Variants in SLC38A1 observed in about 807,000 individuals in gnomAD.
The protein encoded by SLC38A1 is sodium-coupled neutral amino acid symporter 1.
In SLC38A1, 18 loss-of-function variants were observed where a neutral mutation model predicts 60.3. That is an observed-to-expected ratio of 0.30 (90% CI 0.21 to 0.44). The LOEUF is 0.44. Among genes scored for constraint, SLC38A1 ranks in the 20% least tolerant of loss-of-function variants. The probability of loss-of-function intolerance (pLI) is 1.00; values close to 1 mark genes in which losing one functional copy is unlikely to be tolerated. For synonymous variants in SLC38A1, 196 were observed against 212.1 expected (o/e 0.92, Z 0.66); for missense variants, 448 against 587.2 (o/e 0.76, Z 2.45).
intron 16 of SLC38A1, among the ~76,000 whole-genome samples, chr12:46,191,328 T>G (rs1939136076): frequency 6.6e-6 from 1 of 152,230 alleles, no homozygotes; most frequent in Non-Finnish European, 1.5e-5. Context: ...GCTGTTTTCG[T>G]TACTGTAGCC....
At chr12:46,231,284 G>A (rs997038088) in intron 3 of SLC38A1, among the ~76,000 whole-genome samples, 4 of 152,166 alleles carry the variant, frequency 2.6e-5, no homozygotes, top group African/African-American at 9.7e-5. Context: ...AGACACTGGA[G>A]ACTCCAAAGA....
At chr12:46,207,057 A>G in intron 8 of SLC38A1, 98 bp downstream of exon 8, 1 of 804,868 alleles carries the variant, frequency 1.2e-6, no homozygotes, top group Non-Finnish European at 1.9e-6. Context: ...CAGCCTAGGA[A>G]AAACTTTCTG....
At chr12:46,237,318 A>C (rs949187975) in intron 3 of SLC38A1, among the ~76,000 whole-genome samples, 2 of 152,184 alleles carry the variant, frequency 1.3e-5, no homozygotes, top group African/African-American at 4.8e-5. Flanking sequence ...TGGACTACTA[A>C]AATATGCCAA....
At position 46,247,567 on chromosome 12, in the gene SLC38A1, C is replaced by G. The variant is rs186559492; in HGVS notation, c.-208-4253G>C. Among the ~76,000 whole-genome samples, 16 of 152,240 alleles carry G rather than the reference C, an allele frequency of 1.1e-4. No individual in the cohort carries two copies. In the East Asian group the frequency reaches 2.9e-3, roughly 28 times the overall value. ...ACCAAATCTACGTTTGACTGGTGTA[C>G]GTGAAAGTGATGGGGAAAATGAAAC... On this transcript the variant is annotated intron_variant, in intron 1 of 16. Transcript: ENST00000398637.
intron 8 of SLC38A1, 24 bp downstream of exon 8, chr12:46,207,131 A>G: frequency 1.3e-6 from 2 of 1,488,030 alleles, no homozygotes; most frequent in Non-Finnish European, 1.8e-6. Flanking sequence ...TAGTTATATC[A>G]TAAAAAAATG....
At chr12:46,256,636 C>CAGGGAGAGAGAG (rs1555192391) in intron 1 of SLC38A1, among the ~76,000 whole-genome samples, 3 of 123,204 alleles carry the variant, frequency 2.4e-5, no homozygotes, top group Non-Finnish European at 4.9e-5. Flanking sequence ...CACACACACA[C>CAGGGAGAGAGAG]AGAGAGAGAG....
In SLC38A1 at chr12:46,199,313, G is replaced by A. The variant is rs1485969346; in HGVS notation, c.1004-570C>T. On this transcript the variant is annotated intron_variant, in intron 13 of 16. Coordinates refer to ENST00000398637, the MANE Select transcript of SLC38A1 (RefSeq NM_030674.4). ...AATTAGTTTATGTACTACTTTGTGT[G>A]TGTGTGTGTGTGTGTGTGTGTGTGT... Among the ~76,000 whole-genome samples, 3 of 26,070 alleles carry A rather than the reference G, an allele frequency of 1.2e-4. No individual in the cohort carries two copies. The Admixed American group carries it at 1.3e-3, about 11-fold the overall frequency. 17.1% of individuals were successfully genotyped at this position (26,070 alleles called of 152,430 possible).
At chr12:46,206,244 T>C (rs1408887930) in intron 8 of SLC38A1, 82 bp from the exon 9 acceptor site, 2 of 700,244 alleles carry the variant, frequency 2.9e-6, no homozygotes, top group African/African-American at 3.7e-5. Context: ...CATGATATCA[T>C]GATATATATT....
In SLC38A1 at chr12:46,225,431, C is replaced by G. The variant is rs146200904; in HGVS notation, c.314+3722G>C. 4.3e-3 allele frequency among the ~76,000 whole-genome samples: 654 copies of G among 152,216 alleles called. 5 individuals carry two copies. The highest frequency in any genetic ancestry group is 0.015 in the African/African-American group (629 of 41,530). ...TGAGAGACTAGGCACAATTTGTGGG[C>G]AAGAGGCATACTCTAATGAAAATTG... is the stretch of plus-strand genomic sequence containing the variant. On this transcript the variant is annotated intron_variant, in intron 5 of 16. Transcript: ENST00000398637.
chr12:46,197,536 T>G, intron 16 of SLC38A1, 184 bp downstream of exon 16: 2 of 508,274 alleles, frequency 3.9e-6, no homozygotes, highest in Non-Finnish European at 3.4e-6. Context: ...AGAAAAGATA[T>G]TTGGAGGGAT....
chr12:46,212,064 T>C (rs953463969), intron 5 of SLC38A1, among the ~76,000 whole-genome samples: 1 of 152,216 alleles, frequency 6.6e-6, no homozygotes, highest in African/African-American at 2.4e-5. Context: ...GTTGTCTAAT[T>C]GACTCTAATA....
At chr12:46,190,545 CCCA>C (rs1254265930) in intron 16 of SLC38A1, among the ~76,000 whole-genome samples, 1 of 152,190 alleles carries the variant, frequency 6.6e-6, no homozygotes, top group Non-Finnish European at 1.5e-5. Flanking sequence ...AATTTACACT[CCCA>C]CCAACAGTGT....
At chr12:46,229,424 G>A (rs1209349275) in intron 4 of SLC38A1, 140 bp downstream of exon 4, 1 of 815,568 alleles carries the variant, frequency 1.2e-6, no homozygotes, top group Non-Finnish European at 2.0e-6. Context: ...TGGATTTCAA[G>A]AGAAAATACA....
rs183239795 is a variant in SLC38A1, at chr12:46,252,341, G to T, written c.-208-9027C>A. 2.2e-3 allele frequency among the ~76,000 whole-genome samples: 328 copies of T among 152,242 alleles called. 2 individuals carry two copies. Among genetic ancestry groups the T allele is most frequent in the Middle Eastern group, 0.01 (3 of 294 alleles). On this transcript the variant is annotated intron_variant, in intron 1 of 16. Coordinates refer to ENST00000398637, the MANE Select transcript of SLC38A1 (RefSeq NM_030674.4). ...ATCACACACCGGGGCCTGTCACAGG[G>T]TGGGGGCCTGGGGGAGGGATAGCAT... is the stretch of plus-strand genomic sequence containing the variant.
chr12:46,217,441 G>A (rs112578222), intron 5 of SLC38A1, among the ~76,000 whole-genome samples: 102 of 152,316 alleles, frequency 6.7e-4, no homozygotes, highest in African/African-American at 2.2e-3. Flanking sequence ...GAGACTTTGC[G>A]TGTTTTCTTT....
intron 16 of SLC38A1, among the ~76,000 whole-genome samples, chr12:46,190,119 G>A (rs1168390890): frequency 1.3e-5 from 2 of 152,108 alleles, no homozygotes; most frequent in African/African-American, 2.4e-5. Flanking sequence ...CCTGGTGTGT[G>A]ATATTCTCTG....
At chr12:46,261,152 C>T (rs1014399571) in intron 1 of SLC38A1, among the ~76,000 whole-genome samples, 2 of 152,204 alleles carry the variant, frequency 1.3e-5, no homozygotes, top group African/African-American at 4.8e-5. Flanking sequence ...TTAAGTATGA[C>T]CTTTCTTTCA....
At chr12:46,250,831 C>T (rs1011568980) in intron 1 of SLC38A1, among the ~76,000 whole-genome samples, 22 of 152,138 alleles carry the variant, frequency 1.4e-4, no homozygotes, top group South Asian at 4.1e-4. Flanking sequence ...TACTGCTCAA[C>T]GAAATAAAAG....
At chr12:46,241,505 CCTTGT>C (rs1227675005) in intron 2 of SLC38A1, among the ~76,000 whole-genome samples, 4 of 152,108 alleles carry the variant, frequency 2.6e-5, no homozygotes, top group Admixed American at 2.6e-4. Context: ...ATTCTAGGAA[CCTTGT>C]CTTGTCTTCA....
Sources: gnomAD v4.1 joint callset for allele counts (sites outside exome capture counted in the v4.1 genomes callset) on GRCh38, gnomAD v4.1.1 for gene constraint, MANE v1.5 for transcripts, NCBI Gene and HGNC (gene_info 2026-07-23, HGNC 2026-07-21) for gene names.